Variants in DMD observed in about 807,000 individuals in gnomAD.
The protein encoded by DMD is dystrophin, also known as mutant dystrophin.
Under a neutral mutation model 330.1 loss-of-function variants are expected in DMD, and 63 were observed. That is an observed-to-expected ratio of 0.19 (90% CI 0.16 to 0.24). The LOEUF (loss-of-function observed/expected upper bound fraction) is 0.24, where lower values mean the gene tolerates loss of function less well. DMD is among the 10% of genes least tolerant of loss of function. The probability of loss-of-function intolerance (pLI) is 1.00; values close to 1 mark genes in which losing one functional copy is unlikely to be tolerated. For synonymous variants in DMD, 1,223 were observed against 959.8 expected (o/e 1.27, Z -5.07); for missense variants, 3,344 against 2,684.1 (o/e 1.25, Z -5.43).
chrX:32,980,597 T>A (rs916229555), intron 2 of DMD, among the ~76,000 whole-genome samples: 3 of 110,053 alleles, frequency 2.7e-5, no homozygotes, highest in African/African-American at 9.9e-5. Flanking sequence ...CCCAAACGGT[T>A]CCTTCACCCT....
At chrX:31,131,060 A>G (rs1246045235) in intron 77 of DMD, among the ~76,000 whole-genome samples, 1 of 111,849 alleles carries the variant, frequency 8.9e-6, no homozygotes, top group African/African-American at 3.3e-5. Flanking sequence ...TGTAGCAATC[A>G]TGAACTTTGT....
chrX:32,106,687 C>T (rs541302450), intron 44 of DMD, among the ~76,000 whole-genome samples: 33 of 111,570 alleles, frequency 3.0e-4, no homozygotes, highest in African/African-American at 1.0e-3. Flanking sequence ...ATCAGGATCT[C>T]GAATTATGTT....
intron 9 of DMD, among the ~76,000 whole-genome samples, chrX:32,667,142 A>G (rs1412974678): frequency 9.0e-6 from 1 of 111,713 alleles, no homozygotes; most frequent in Non-Finnish European, 1.9e-5. Context: ...CCTAGAATAC[A>G]TTACACTAAG....
chrX:31,438,398 C>T (rs2064694115), intron 60 of DMD, among the ~76,000 whole-genome samples: 1 of 111,956 alleles, frequency 8.9e-6, no homozygotes, highest in African/African-American at 3.2e-5. Flanking sequence ...GATTCTCAAG[C>T]TCCACACCAG....
chrX:32,976,368 C>T lies in DMD; in HGVS notation c.93+43771G>A, dbSNP rs138003708. On this transcript the variant is annotated intron_variant, in intron 2 of 78. Coordinates refer to ENST00000357033, the MANE Select transcript of DMD (RefSeq NM_004006.3). ...TAAGGACGCCAGACATCCAGTAACACGCAGGAAAGTCCAGGAAAATGAGTA... is the reference window on the plus strand; with the variant it reads ...TAAGGACGCCAGACATCCAGTAACATGCAGGAAAGTCCAGGAAAATGAGTA... Among the ~76,000 whole-genome samples, 252 of 111,539 alleles carry T rather than the reference C, an allele frequency of 2.3e-3. 1 individual carries two copies. The highest frequency in any genetic ancestry group is 6.0e-3 in the African/African-American group (184 of 30,746).
At chrX:32,238,771 T>C (rs774403098) in intron 43 of DMD, among the ~76,000 whole-genome samples, 12 of 112,048 alleles carry the variant, frequency 1.1e-4, no homozygotes, top group African/African-American at 2.9e-4. Flanking sequence ...CCAAAGCCAT[T>C]CTGATTTCTG....
chrX:31,539,092 G>A (rs1304014002), intron 55 of DMD, among the ~76,000 whole-genome samples: 10 of 111,862 alleles, frequency 8.9e-5, no homozygotes, highest in African/African-American at 3.2e-4. Context: ...GCCTAGAGAT[G>A]ACAAAGAGGT....
chrX:31,767,563 T>C (rs1453376175), intron 51 of DMD, among the ~76,000 whole-genome samples: 1 of 112,462 alleles, frequency 8.9e-6, no homozygotes, highest in Non-Finnish European at 1.9e-5. Context: ...CTCTCATTTG[T>C]TGAATAAGGG....
chrX:33,095,156 C>T (rs2095140368), intron 1 of DMD, among the ~76,000 whole-genome samples: 1 of 112,469 alleles, frequency 8.9e-6, no homozygotes, highest in East Asian at 2.8e-4. Flanking sequence ...GTACAACACA[C>T]ATATGACAAC....
intron 22 of DMD, 64 bp from the exon 23 acceptor site, chrX:32,468,774 G>T: frequency 3.3e-6 from 3 of 904,854 alleles, no homozygotes; most frequent in Non-Finnish European, 4.8e-6. Flanking sequence ...GAGTTTTAGT[G>T]AAATTAACTG....
chrX:31,828,446 A>T (rs2092939011), intron 49 of DMD, among the ~76,000 whole-genome samples: 1 of 110,812 alleles, frequency 9.0e-6, no homozygotes, highest in Non-Finnish European at 1.9e-5. Context: ...CAGGTGGATC[A>T]CTAGGTCAGG....
rs2097983329 is a variant in DMD at position 32,389,237 on chromosome X, AT to A, written c.4518+263del. 2.7e-5 allele frequency among the ~76,000 whole-genome samples: 3 copies of A among 111,264 alleles called. No individual in the cohort carries two copies. In the South Asian group the frequency reaches 1.1e-3, roughly 41 times the overall value. ...TAATATATTTCCTTTCTAGATTTCC[AT>A]TTAAAATATATTTAAAGAATCATAA... On this transcript the variant is annotated intron_variant, in intron 32 of 78. Coordinates refer to ENST00000357033, the MANE Select transcript of DMD (RefSeq NM_004006.3).
chrX:31,238,239 T>C (rs765043153), intron 63 of DMD, among the ~76,000 whole-genome samples: 1 of 111,514 alleles, frequency 9.0e-6, no homozygotes, highest in East Asian at 2.8e-4. Flanking sequence ...TGCCTCCTAC[T>C]TCATAGCAGA....
intron 56 of DMD, among the ~76,000 whole-genome samples, chrX:31,504,827 C>A (rs184161575): frequency 8.9e-6 from 1 of 111,957 alleles, no homozygotes; most frequent in Non-Finnish European, 1.9e-5. Context: ...ATAACATATC[C>A]TGTATTATTA....
At chrX:32,566,372 G>A (rs745617890) in intron 15 of DMD, among the ~76,000 whole-genome samples, 1 of 111,904 alleles carries the variant, frequency 8.9e-6, no homozygotes, top group African/African-American at 3.2e-5. Flanking sequence ...GTGATTATTT[G>A]GATAAAATTA....
At chrX:32,844,952 G>C (rs2080525668) in intron 3 of DMD, 92 bp from the exon 4 acceptor site, 2 of 746,239 alleles carry the variant, frequency 2.7e-6, no homozygotes, top group Non-Finnish European at 4.2e-6. Context: ...TATTAAGCTT[G>C]AATATTGTAA....
chrX:33,196,516 C>G (rs751342672), intron 1 of DMD, among the ~76,000 whole-genome samples: 2 of 111,741 alleles, frequency 1.8e-5, no homozygotes, highest in African/African-American at 3.3e-5. Flanking sequence ...CATTCACACA[C>G]GCACAAACAT....
At chrX:33,311,171 A>G (rs1164346542) in intron 1 of DMD, among the ~76,000 whole-genome samples, 2 of 110,282 alleles carry the variant, frequency 1.8e-5, no homozygotes, top group Non-Finnish European at 3.8e-5. Flanking sequence ...TAATATATAG[A>G]TACACATATG....
chrX:33,240,281 A>G (rs1465656804), intron 1 of DMD, among the ~76,000 whole-genome samples: 1 of 111,775 alleles, frequency 8.9e-6, no homozygotes, highest in Non-Finnish European at 1.9e-5. Context: ...TTTAAAATCA[A>G]CCTTTTCAGA....
Sources: gnomAD v4.1 joint callset for allele counts (sites outside exome capture counted in the v4.1 genomes callset) on GRCh38, gnomAD v4.1.1 for gene constraint, MANE v1.5 for transcripts, NCBI Gene and HGNC (gene_info 2026-07-23, HGNC 2026-07-21) for gene names.